DENND1A: variants seen among roughly 807,000 people sequenced by gnomAD.
DENND1A encodes the protein DENN domain containing 1A, also known as DENN domain-containing protein 1A.
DENND1A carries 51 observed loss-of-function variants against 113.7 expected under a neutral mutation model. The ratio of observed to expected loss-of-function variants is 0.45; its 90% CI spans 0.36 to 0.57. The LOEUF (loss-of-function observed/expected upper bound fraction) is 0.57, where lower values mean the gene tolerates loss of function less well. Among genes scored for constraint, DENND1A ranks in the 20% least tolerant of loss-of-function variants. The pLI is 0.00. For missense variants in DENND1A, 1,258 were observed against 1,395.9 expected (o/e 0.90, Z 1.57); for synonymous variants, 565 against 570.8 (o/e 0.99, Z 0.14).
chr9:123,627,489 C>T (rs1200805173), intron 10 of DENND1A, among the ~76,000 whole-genome samples: 2 of 152,194 alleles, frequency 1.3e-5, no homozygotes, highest in Non-Finnish European at 2.9e-5. Flanking sequence ...CGTCTGTAAT[C>T]GCAGCCCTTC....
intron 2 of DENND1A, among the ~76,000 whole-genome samples, chr9:123,801,479 A>G (rs1267980900): frequency 6.6e-6 from 1 of 152,234 alleles, no homozygotes; most frequent in Non-Finnish European, 1.5e-5. Flanking sequence ...TTCACAGATG[A>G]GTAACATTCC....
At chr9:123,703,791 T>C (rs1429150986) in intron 5 of DENND1A, among the ~76,000 whole-genome samples, 2 of 152,028 alleles carry the variant, frequency 1.3e-5, no homozygotes, top group Admixed American at 6.6e-5. Context: ...AACAGATTTG[T>C]GCTTGCCTAG....
At chr9:123,679,449 G>A (rs1395247474) in intron 5 of DENND1A, among the ~76,000 whole-genome samples, 1 of 152,210 alleles carries the variant, frequency 6.6e-6, no homozygotes, top group Non-Finnish European at 1.5e-5. Flanking sequence ...GCTATGCTAA[G>A]CAGAACCACT....
intron 5 of DENND1A, among the ~76,000 whole-genome samples, chr9:123,716,578 AT>A (rs1191636110): frequency 6.6e-6 from 1 of 150,862 alleles, no homozygotes; most frequent in Non-Finnish European, 1.5e-5. Flanking sequence ...ATGACAAGAC[AT>A]CCATTAAAGA....
chr9:123,401,438 T>C (rs1588339794), intron 21 of DENND1A: 4 of 1,062,816 alleles, frequency 3.8e-6, no homozygotes, highest in Non-Finnish European at 3.5e-6. Context: ...TTCCCCTTCC[T>C]CGTTAAACAA....
chr9:123,742,204 G>A (rs921401060), intron 5 of DENND1A, among the ~76,000 whole-genome samples: 2 of 151,688 alleles, frequency 1.3e-5, no homozygotes, highest in Non-Finnish European at 2.9e-5. Flanking sequence ...AGGCCTGCTG[G>A]TTAAGGGGCG....
intron 11 of DENND1A, among the ~76,000 whole-genome samples, chr9:123,588,324 A>G (rs2136959638): frequency 6.7e-6 from 1 of 149,998 alleles, no homozygotes; most frequent in East Asian, 2.0e-4. Flanking sequence ...GCCTACTATT[A>G]AAAAATGGGA....
At chr9:123,643,260 A>AT (rs898871628) in intron 9 of DENND1A, among the ~76,000 whole-genome samples, 38 of 151,912 alleles carry the variant, frequency 2.5e-4, no homozygotes, top group Admixed American at 1.2e-3. Context: ...GTGCCAGTTT[A>AT]TTTTTTTTGT....
At chr9:123,545,628 G>A (rs1293853971) in intron 13 of DENND1A, among the ~76,000 whole-genome samples, 1 of 151,920 alleles carries the variant, frequency 6.6e-6, no homozygotes, top group South Asian at 2.1e-4. Context: ...CACCACACCT[G>A]GCTAATTTTT....
chr9:123,413,566 G>T, intron 19 of DENND1A: 2 of 985,518 alleles, frequency 2.0e-6, no homozygotes, highest in Non-Finnish European at 2.4e-6. Context: ...CATGGAACCT[G>T]TCGGGGCAGC....
At position 123,753,388 on chromosome 9, in the gene DENND1A, A is replaced by G. The variant is rs531422235; in HGVS notation, c.302+4315T>C. On this transcript the variant is annotated intron_variant, in intron 5 of 23. Coordinates refer to ENST00000394215, the MANE Select transcript of DENND1A (RefSeq NM_001352964.2). The stretch of plus-strand genomic sequence containing the variant: ...CACAAAGGGTGTCTAAAAACCTTTC[A>G]TTGTGAAATTAAGTTTAAATTTTAA... Among the ~76,000 whole-genome samples the G allele has an allele frequency of 2.0e-5, 3 of 152,382 alleles. No homozygotes were observed. The East Asian group carries it at 5.8e-4, about 29-fold the overall frequency.
At chr9:123,407,373 T>A (rs961101284) in intron 20 of DENND1A, among the ~76,000 whole-genome samples, 4 of 151,874 alleles carry the variant, frequency 2.6e-5, no homozygotes, top group Non-Finnish European at 5.9e-5. Flanking sequence ...GACTTCCGTG[T>A]ACACACTATC....
intron 13 of DENND1A, among the ~76,000 whole-genome samples, chr9:123,532,413 T>A (rs987003697): frequency 6.6e-6 from 1 of 152,226 alleles, no homozygotes; most frequent in Non-Finnish European, 1.5e-5. Context: ...TTTAGCCTCC[T>A]TTAATCTAGA....
rs80140022 is a variant in DENND1A, at chr9:123,548,607, A to T, written c.993+8963T>A. 4.5e-3 allele frequency among the ~76,000 whole-genome samples: 678 copies of T among 152,346 alleles called. 26 individuals carry two copies. In the East Asian group the frequency reaches 0.11, roughly 24 times the overall value. Reference sequence around the variant, plus strand: ...GCAAGCAGGTGTTCAACTATTAATTATACACACACATTCACAGCAGCACTA... The same window carrying T: ...GCAAGCAGGTGTTCAACTATTAATTTTACACACACATTCACAGCAGCACTA... On this transcript the variant is annotated intron_variant, in intron 13 of 23. Coordinates refer to ENST00000394215, the MANE Select transcript of DENND1A (RefSeq NM_001352964.2).
intron 3 of DENND1A, among the ~76,000 whole-genome samples, chr9:123,783,664 C>T (rs1831661091): frequency 6.6e-6 from 1 of 152,130 alleles, no homozygotes; most frequent in African/African-American, 2.4e-5. Flanking sequence ...AATGGCAGAG[C>T]CAGGATTCAG....
At chr9:123,855,538 A>G (rs935621317) in intron 2 of DENND1A, among the ~76,000 whole-genome samples, 3 of 152,220 alleles carry the variant, frequency 2.0e-5, no homozygotes, top group African/African-American at 7.2e-5. Context: ...AATGACAGGC[A>G]GTAGTGAGCG....
chr9:123,637,953 G>GCA (rs10539798), intron 9 of DENND1A, among the ~76,000 whole-genome samples: 416 of 147,894 alleles, frequency 2.8e-3, no homozygotes, highest in African/African-American at 9.2e-3. Flanking sequence ...ACACACACGC[G>GCA]CACACACACA....
chr9:123,645,629 C>A (rs1382259258), intron 9 of DENND1A, among the ~76,000 whole-genome samples: 1 of 152,180 alleles, frequency 6.6e-6, no homozygotes, highest in Non-Finnish European at 1.5e-5. Context: ...CCCACCTCCT[C>A]CAGAGAAGCT....
chr9:123,902,216 C>T (rs1851784339), intron 1 of DENND1A, among the ~76,000 whole-genome samples: 1 of 150,106 alleles, frequency 6.7e-6, no homozygotes, highest in African/African-American at 2.5e-5. Context: ...CATACACACA[C>T]ACGTAGAGAC....
Sources: gnomAD v4.1 joint callset for allele counts (sites outside exome capture counted in the v4.1 genomes callset) on GRCh38, gnomAD v4.1.1 for gene constraint, MANE v1.5 for transcripts, NCBI Gene and HGNC (gene_info 2026-07-23, HGNC 2026-07-21) for gene names.